Variants in RYR2 observed in about 807,000 individuals in gnomAD.
The protein encoded by RYR2 is cardiac muscle ryanodine receptor-calcium release channel.
RYR2 carries 227 observed loss-of-function variants against 601.1 expected under a neutral mutation model. The ratio of observed to expected loss-of-function variants is 0.38; its 90% CI spans 0.34 to 0.42. RYR2 has a LOEUF of 0.42. Ranked by LOEUF, RYR2 falls within the 10% of genes least tolerant of loss-of-function variation. The pLI, the probability that RYR2 is intolerant of heterozygous loss-of-function variation, is 1.00. For synonymous variants in RYR2, 2,223 were observed against 2,175.1 expected (o/e 1.02, Z -0.61); for missense variants, 4,646 against 6,156.5 (o/e 0.75, Z 8.21).
intron 1 of RYR2, among the ~76,000 whole-genome samples, chr1:237,066,558 C>G (rs1281888624): frequency 8.3e-6 from 1 of 119,990 alleles, no homozygotes. Flanking sequence ...GTAGTGATAT[C>G]TAATCATGGT....
intron 101 of RYR2, among the ~76,000 whole-genome samples, chr1:237,823,277 G>A (rs764292020): frequency 1.3e-5 from 2 of 152,058 alleles, no homozygotes; most frequent in Non-Finnish European, 2.9e-5. Context: ...CCACATAATT[G>A]GAAGTAAAAT....
chr1:237,605,931 T>C (rs1677073846), intron 35 of RYR2, among the ~76,000 whole-genome samples: 1 of 151,296 alleles, frequency 6.6e-6, no homozygotes, highest in Non-Finnish European at 1.5e-5. Flanking sequence ...CACAAACAAA[T>C]GGAAGAACAT....
chr1:237,433,303 C>T (rs1231192260), intron 12 of RYR2, among the ~76,000 whole-genome samples: 1 of 151,640 alleles, frequency 6.6e-6, no homozygotes, highest in East Asian at 2.0e-4. Flanking sequence ...TAAAACTACA[C>T]TCACATATAC....
chr1:237,310,036 C>T (rs1431300477), intron 2 of RYR2, among the ~76,000 whole-genome samples: 9 of 152,298 alleles, frequency 5.9e-5, no homozygotes, highest in Middle Eastern at 6.8e-3. Flanking sequence ...GCTCCAGCCT[C>T]GGCCAGCACA....
In RYR2 at chr1:237,660,916, A is replaced by G. The variant is rs1354532439; in HGVS notation, c.8405A>G (p.Asn2802Ser). ...GAGGGAGACAGCATGGCCCTTTACA[A>G]CCGGACTCGTCGTATTTCTCAGACA... ...TREGDSMALY[N>S]RTRRISQTSQ... The change falls in exon 56 of 105, where the codon AAC becomes AGC. Residue 2802 changes from asparagine (N) to serine (S), a missense_variant. This residue lies in a region of RYR2 where 1,497 missense variants were observed against 1,842.6 expected (regional missense o/e 0.81). Coordinates refer to ENST00000366574, the MANE Select transcript of RYR2 (RefSeq NM_001035.3). 6.8e-7 allele frequency: 1 copy of G among 1,480,222 alleles called. No individual in the cohort carries two copies. Among genetic ancestry groups the G allele is most frequent in the Admixed American group, 2.2e-5 (1 of 44,844 alleles). 91.7% of individuals were successfully genotyped at this position (1,480,222 alleles called of 1,614,324 possible).
At chr1:237,340,680 A>G (rs780491216) in intron 3 of RYR2, among the ~76,000 whole-genome samples, 2 of 152,216 alleles carry the variant, frequency 1.3e-5, no homozygotes, top group Non-Finnish European at 2.9e-5. Flanking sequence ...TAAAGCATAA[A>G]TAGTACTTCA....
At chr1:237,088,009 T>A (rs1666542161) in intron 1 of RYR2, among the ~76,000 whole-genome samples, 1 of 152,364 alleles carries the variant, frequency 6.6e-6, no homozygotes, top group East Asian at 1.9e-4. Flanking sequence ...CTATGTCCTG[T>A]ACCTTTGAAT....
intron 10 of RYR2, among the ~76,000 whole-genome samples, chr1:237,394,932 T>C (rs1702689762): frequency 6.6e-6 from 1 of 152,080 alleles, no homozygotes; most frequent in Non-Finnish European, 1.5e-5. Flanking sequence ...GAAGGAGGCA[T>C]GTTTTACGTG....
rs138227759 is a variant in RYR2 at position 237,247,947 on chromosome 1, G to A, written c.49-22550G>A. 1.5e-3 allele frequency among the ~76,000 whole-genome samples: 231 copies of A among 152,140 alleles called. 1 individual carries two copies. Among genetic ancestry groups the A allele is most frequent in the African/African-American group, 5.4e-3 (224 of 41,530 alleles). ...TCAACTACAAAACAGGAGGCTTAAG[G>A]GTTTTCGCAGAATCTGAGTAGAAGT... is the stretch of plus-strand genomic sequence containing the variant. On this transcript the variant is annotated intron_variant, in intron 1 of 104. Transcript: ENST00000366574.
chr1:237,549,646 T>C (rs1249089617), intron 26 of RYR2, among the ~76,000 whole-genome samples: 1 of 147,862 alleles, frequency 6.8e-6, no homozygotes, highest in Non-Finnish European at 1.5e-5. Flanking sequence ...TTTTTTTTTT[T>C]TTTTTTTTTT....
chr1:237,049,526 G>A (rs1043288350), intron 1 of RYR2, among the ~76,000 whole-genome samples: 1 of 152,074 alleles, frequency 6.6e-6, no homozygotes, highest in Non-Finnish European at 1.5e-5. Flanking sequence ...TAGTCTTAGG[G>A]TCAACCAGAC....
intron 68 of RYR2, 93 bp from the exon 69 acceptor site, chr1:237,708,765 A>T (rs904959588): frequency 1.8e-6 from 2 of 1,137,050 alleles, no homozygotes; most frequent in Non-Finnish European, 2.5e-6. Context: ...CTGGAGAAGG[A>T]GGCTTTAATT....
intron 1 of RYR2, among the ~76,000 whole-genome samples, chr1:237,171,103 G>A (rs1677316350): frequency 1.3e-5 from 2 of 151,964 alleles, no homozygotes; most frequent in Admixed American, 6.6e-5. Context: ...GTGTGGTGGT[G>A]GGCACCTGTA....
At chr1:237,279,423 T>C (rs1690625916) in intron 2 of RYR2, among the ~76,000 whole-genome samples, 1 of 152,164 alleles carries the variant, frequency 6.6e-6, no homozygotes, top group African/African-American at 2.4e-5. Context: ...TAAATTAAAT[T>C]CTGATGATTG....
intron 24 of RYR2, among the ~76,000 whole-genome samples, chr1:237,514,135 C>T (rs756910762): frequency 2.0e-5 from 3 of 152,206 alleles, no homozygotes; most frequent in Non-Finnish European, 4.4e-5. Flanking sequence ...CTTAGTAATT[C>T]ATAGCAGCTC....
chr1:237,296,848 G>A (rs1273519015), intron 2 of RYR2, among the ~76,000 whole-genome samples: 1 of 152,114 alleles, frequency 6.6e-6, no homozygotes, highest in Non-Finnish European at 1.5e-5. Context: ...CTTCTAAAAA[G>A]ATAAAAATCT....
In RYR2 at chr1:237,406,944, TCA is replaced by T. The variant is rs575214242; in HGVS notation, c.774-10098_774-10097del. On this transcript the variant is annotated intron_variant, in intron 10 of 104. Coordinates refer to ENST00000366574, the MANE Select transcript of RYR2 (RefSeq NM_001035.3). ...ATAACATGTATCCACAATTGCAGTA[TCA>T]CACACAATAATTTCACTGCTCTCAA... Among the ~76,000 whole-genome samples the T allele has an allele frequency of 1.7e-3, 265 of 152,310 alleles. 1 individual carries two copies. The highest frequency in any genetic ancestry group is 6.1e-3 in the African/African-American group (255 of 41,576).
intron 12 of RYR2, among the ~76,000 whole-genome samples, chr1:237,431,459 A>G (rs952609054): frequency 6.6e-6 from 1 of 152,150 alleles, no homozygotes; most frequent in Non-Finnish European, 1.5e-5. Context: ...TGTTAATTAT[A>G]TATGATTTTG....
intron 2 of RYR2, among the ~76,000 whole-genome samples, chr1:237,289,999 A>G (rs961071934): frequency 6.6e-6 from 1 of 152,212 alleles, no homozygotes; most frequent in African/African-American, 2.4e-5. Context: ...AAAATTCAGC[A>G]TGAGTTTACA....
Sources: allele counts gnomAD v4.1 joint callset (sites outside exome capture counted in the v4.1 genomes callset), GRCh38; gene constraint gnomAD v4.1.1; regional missense constraint gnomAD v4.1.1; transcripts MANE v1.5; gene names NCBI Gene and HGNC (gene_info 2026-07-23, HGNC 2026-07-21).